Variants in AP2A1 observed in about 807,000 individuals in gnomAD.
The protein encoded by AP2A1 is AP-2 complex subunit alpha-1.
AP2A1 carries 21 observed loss-of-function variants against 107.3 expected under a neutral mutation model. The observed-to-expected ratio is 0.20, with a 90% CI of 0.14 to 0.28. The LOEUF is 0.28. Ranked by LOEUF, AP2A1 falls within the 10% of genes least tolerant of loss-of-function variation. The pLI is 1.00. For synonymous variants in AP2A1, 602 were observed against 564.8 expected, an observed-to-expected ratio of 1.07 and a Z score of -0.93; for missense variants, 873 against 1,307.7, an observed-to-expected ratio of 0.67 and a Z score of 5.13.
chr19:49,767,018 G>T lies in AP2A1; in HGVS notation c.-116G>T. 1.9e-6 allele frequency: 1 copy of T among 516,326 alleles called. No homozygotes were observed. The highest frequency in any genetic ancestry group is 2.7e-6 in the Non-Finnish European group (1 of 364,424). The allele number at this position is 516,326 out of a possible 1,614,324, so 32.0% of individuals were successfully genotyped here. On this transcript the variant is annotated 5_prime_UTR_variant, in exon 1 of 23. Coordinates refer to ENST00000354293, the MANE Select transcript of AP2A1 (RefSeq NM_130787.3). ...GCCCGCCCGCCAGCCAGCCCTCCCC[G>T]CGGCCGGCTCGGCTCCTTGGCGCTG...
intron 15 of AP2A1, 89 bp from the exon 16 acceptor site, chr19:49,802,860 C>A: frequency 6.9e-7 from 1 of 1,449,894 alleles, no homozygotes; most frequent in Non-Finnish European, 9.5e-7. Flanking sequence ...GGGTTCTGTC[C>A]TTAGGGCTTG....
intron 15 of AP2A1, 59 bp from the exon 16 acceptor site, chr19:49,802,890 T>C (rs1181050162): frequency 1.3e-6 from 2 of 1,562,224 alleles, no homozygotes; most frequent in Non-Finnish European, 1.7e-6. Context: ...TCAATCGCTC[T>C]GGGCCTTTGC....
intron 7 of AP2A1, 120 bp from the exon 8 acceptor site, chr19:49,798,682 G>A: frequency 7.5e-7 from 1 of 1,339,208 alleles, no homozygotes; most frequent in South Asian, 1.5e-5. Flanking sequence ...GAATTCTCGA[G>A]TGTCAGAGGC....
At chr19:49,801,929 C>T in intron 14 of AP2A1, 40 bp downstream of exon 14, 3 of 1,459,018 alleles carry the variant, frequency 2.1e-6, no homozygotes, top group Non-Finnish European at 2.7e-6. Flanking sequence ...GTGCCTGGGG[C>T]TGGGTCCTGC....
Position 49,805,179 on chromosome 19 carries a change from G to A in AP2A1, c.2345-274G>A, listed in dbSNP as rs866214133. The A allele has an allele frequency of 2.2e-5, 9 of 406,312 alleles. No homozygotes were observed. In the East Asian group the frequency reaches 3.3e-4, roughly 15 times the overall value. 25.2% of individuals were successfully genotyped at this position (406,312 alleles called of 1,614,324 possible). ...ACAGCCACTCAGGTGGTTAAGAGCT[G>A]GGATTCAAACCCAAGTCAGCCTCCA... On this transcript the variant is annotated intron_variant, in intron 18 of 22. Coordinates refer to ENST00000354293, the MANE Select transcript of AP2A1 (RefSeq NM_130787.3).
intron 1 of AP2A1, 134 bp downstream of exon 1, chr19:49,767,334 A>T: frequency 8.8e-7 from 1 of 1,141,286 alleles, no homozygotes; most frequent in South Asian, 1.4e-5. Flanking sequence ...GATGGGCCCC[A>T]GGAAGAACTT....
chr19:49,782,594 G>A lies in AP2A1; in HGVS notation c.343G>A (p.Ala115Thr), dbSNP rs376940196. 1.6e-5 allele frequency: 26 copies of A among 1,613,756 alleles called. No individual in the cohort carries two copies. Among genetic ancestry groups the A allele is most frequent in the Non-Finnish European group, 2.0e-5 (24 of 1,179,842 alleles). ...NSELIRLINN[A>T]IKNDLASRNP... ...GGAGCTGATCCGCCTCATCAACAAC[G>A]CCATCAAGAATGACCTGGCCAGCCG... The change falls in exon 4 of 23, where the codon GCC becomes ACC. Residue 115 changes from alanine to threonine, a missense_variant. Ala to Thr is a moderately conservative substitution (Grantham distance 58). Coordinates refer to ENST00000354293, the MANE Select transcript of AP2A1 (RefSeq NM_130787.3).
intron 1 of AP2A1, 72 bp from the exon 2 acceptor site, chr19:49,781,685 C>T (rs899488356): frequency 2.6e-5 from 38 of 1,465,180 alleles, no homozygotes; most frequent in Middle Eastern, 1.8e-4. Flanking sequence ...GGTGGGGCCG[C>T]GCCTAGGAAA....
intron 4 of AP2A1, 93 bp downstream of exon 4, chr19:49,782,817 A>G: frequency 7.2e-7 from 1 of 1,389,292 alleles, no homozygotes; most frequent in South Asian, 1.4e-5. Flanking sequence ...TGCCTGCCCA[A>G]GGTCTCCCAG....
intron 1 of AP2A1, among the ~76,000 whole-genome samples, chr19:49,770,610 G>C (rs1226484135): frequency 6.6e-6 from 1 of 152,138 alleles, no homozygotes; most frequent in African/African-American, 2.4e-5. Flanking sequence ...AATAAAGTGT[G>C]GTCTATGTAG....
In AP2A1 at chr19:49,801,992, G is replaced by A. The variant is rs1274742516; in HGVS notation, c.1965G>A (p.Ser655=). 6.6e-7 allele frequency: 1 copy of A among 1,521,418 alleles called. No individual in the cohort carries two copies. Among genetic ancestry groups the A allele is most frequent in the South Asian group, 1.2e-5 (1 of 80,332 alleles). The allele number at this position is 1,521,418 out of a possible 1,614,324, so 94.2% of individuals were successfully genotyped here. A position where few individuals can be genotyped will look rare whatever the true frequency, so the allele number is the denominator to read the frequency against. The change falls in exon 15 of 23, where the codon TCG becomes TCA. Residue 655 remains serine (S), a synonymous_variant. Transcript: ENST00000354293. The part of the protein sequence containing the change: ...EPTPSTVSTP[S]PSADLLGLRA... The stretch of plus-strand genomic sequence containing the variant: ...TGCGCTTCCTACAGTCGACGCCCTC[G>A]CCCTCCGCCGACCTCCTGGGGCTGC...
rs372547781 is a variant in AP2A1 at position 49,803,359 on chromosome 19, C to G, written c.2327C>G (p.Pro776Arg). The G allele has an allele frequency of 8.1e-6, 13 of 1,613,688 alleles. No homozygotes were observed. The highest frequency in any genetic ancestry group is 4.5e-5 in the East Asian group (2 of 44,884). The change falls in exon 18 of 23, where the codon CCG becomes CGG. Residue 776 changes from proline (P) to arginine (R), a missense_variant. Coordinates refer to ENST00000354293, the MANE Select transcript of AP2A1 (RefSeq NM_130787.3). ...FQNFSPTVVHPGDLQTQLAVQ... is the reference protein window; with the variant it reads ...FQNFSPTVVHRGDLQTQLAVQ... ...AATTTCTCACCCACTGTGGTTCACC[C>G]GGGAGACCTCCAGACTCATATCCTC...
Position 49,806,796 on chromosome 19 carries a change from GGCA to G in AP2A1, c.*41_*43del, listed in dbSNP as rs1392542653. 1.9e-6 allele frequency: 3 copies of G among 1,612,746 alleles called. No homozygotes were observed. The highest frequency in any genetic ancestry group is 2.5e-6 in the Non-Finnish European group (3 of 1,179,704). The stretch of plus-strand genomic sequence containing the variant: ...GCCCCGGGGGATGTGGCCGGCACTG[GGCA>G]GCCCCTTGGACTGAGGCAGTTTTGG... On this transcript the variant is annotated 3_prime_UTR_variant, in exon 23 of 23. Coordinates refer to ENST00000354293, the MANE Select transcript of AP2A1 (RefSeq NM_130787.3).
At chr19:49,774,284 A>T (rs2123670109) in intron 1 of AP2A1, among the ~76,000 whole-genome samples, 1 of 152,230 alleles carries the variant, frequency 6.6e-6, no homozygotes, top group African/African-American at 2.4e-5. Flanking sequence ...GCAGCCGTAC[A>T]TCCCTGGCCT....
Position 49,803,090 on chromosome 19 carries a change from G to C in AP2A1, c.2172-17G>C. 6.2e-7 allele frequency: 1 copy of C among 1,613,888 alleles called. No individual in the cohort carries two copies. Among genetic ancestry groups the C allele is most frequent in the Non-Finnish European group, 8.5e-7 (1 of 1,179,858 alleles). On this transcript the variant is annotated splice_polypyrimidine_tract_variant and intron_variant, in intron 16 of 22. Coordinates refer to ENST00000354293, the MANE Select transcript of AP2A1 (RefSeq NM_130787.3). ...CAGACAGGCACCCCCGTCATCTTGC[G>C]CCCCCTGCCCCCTCAGGTTTGTGTG...
At chr19:49,802,265 T>A in intron 15 of AP2A1, 124 bp downstream of exon 15, 1 of 879,546 alleles carries the variant, frequency 1.1e-6, no homozygotes, top group East Asian at 2.6e-5. Flanking sequence ...TCCATCCTGA[T>A]GCCTTCGCCA....
Position 49,805,433 on chromosome 19 carries a change from C to T in AP2A1, c.2345-20C>T. On this transcript the variant is annotated intron_variant, in intron 18 of 22. Transcript: ENST00000354293. Reference sequence around the variant, plus strand: ...GGGGCCCACCTCCTCTGTCTGGCTTCCTTGACTCCTGGCGGGCACAGCTGG... The same window carrying T: ...GGGGCCCACCTCCTCTGTCTGGCTTTCTTGACTCCTGGCGGGCACAGCTGG... 1 of 1,524,370 alleles carries T rather than the reference C, an allele frequency of 6.6e-7. No individual in the cohort carries two copies. The highest frequency in any genetic ancestry group is 8.9e-7 in the Non-Finnish European group (1 of 1,129,244). 94.4% of individuals were successfully genotyped at this position (1,524,370 alleles called of 1,614,324 possible). A position where few individuals can be genotyped will look rare whatever the true frequency, so the allele number is the denominator to read the frequency against.
At chr19:49,768,439 T>C (rs568248565) in intron 1 of AP2A1, among the ~76,000 whole-genome samples, 43 of 152,276 alleles carry the variant, frequency 2.8e-4, no homozygotes, top group Admixed American at 2.8e-3. Context: ...CAAGAGAGAC[T>C]GCTGATAGTA....
At chr19:49,800,749 G>T in intron 11 of AP2A1, 1 of 497,044 alleles carries the variant, frequency 2.0e-6, no homozygotes, top group South Asian at 2.5e-5. Flanking sequence ...AGGATTACAG[G>T]CATGAGCCAC....
Sources: allele counts gnomAD v4.1 joint callset (sites outside exome capture counted in the v4.1 genomes callset), GRCh38; gene constraint gnomAD v4.1.1; transcripts MANE v1.5; gene names NCBI Gene and HGNC (gene_info 2026-07-23, HGNC 2026-07-21).